Variants in SUMF1 observed in about 807,000 individuals in gnomAD.
SUMF1 encodes sulfatase modifying factor 1.
Under a neutral mutation model 47.6 loss-of-function variants are expected in SUMF1, and 48 were observed. The ratio of observed to expected loss-of-function variants is 1.01; its 90% CI spans 0.80 to 1.28. SUMF1 has a LOEUF of 1.28. Ranked by LOEUF, SUMF1 falls within the 50% of genes most tolerant of loss-of-function variation. The probability of loss-of-function intolerance (pLI) is 0.00; values close to 1 mark genes in which losing one functional copy is unlikely to be tolerated. For missense variants in SUMF1, 571 were observed against 485.4 expected (o/e 1.18, Z -1.66); for synonymous variants, 230 against 192.1 (o/e 1.20, Z -1.63).
intron 8 of SUMF1, among the ~76,000 whole-genome samples, chr3:4,222,605 G>A (rs1169753588): frequency 6.6e-6 from 1 of 152,026 alleles, no homozygotes; most frequent in Non-Finnish European, 1.5e-5. Context: ...CGGAGGGCCT[G>A]TCATCATCAT....
In SUMF1 at chr3:4,184,149, A is replaced by AG. The variant is rs202047332; in HGVS notation, c.1015-115405_1015-115404insC. On this transcript the variant is annotated intron_variant and NMD_transcript_variant, in intron 8 of 12. Coordinates refer to the SUMF1 transcript ENST00000448413. ...GACCCTGTCTCGAAAAAAAATTAAA[A>AG]AAAAAAAAGAAAAAAGGCAAAAGAG... Among the ~76,000 whole-genome samples, 1,030 of 151,206 alleles carry AG rather than the reference A, an allele frequency of 6.8e-3. 14 individuals are homozygous for AG. Among genetic ancestry groups the AG allele is most frequent in the African/African-American group, 0.024 (985 of 41,192 alleles).
chr3:4,150,837 G>T (rs566866992), intron 8 of SUMF1, among the ~76,000 whole-genome samples: 2 of 151,542 alleles, frequency 1.3e-5, no homozygotes, highest in South Asian at 4.1e-4. Flanking sequence ...TCTGTTCTTA[G>T]GAGCTCAGGG....
chr3:4,170,291 C>T (rs1192874370), intron 8 of SUMF1, among the ~76,000 whole-genome samples: 1 of 152,150 alleles, frequency 6.6e-6, no homozygotes, highest in Non-Finnish European at 1.5e-5. Flanking sequence ...GGTTCTCAAA[C>T]TTTAGTGGGT....
chr3:4,415,226 C>CAAA (rs35397535), intron 6 of SUMF1, among the ~76,000 whole-genome samples: 62 of 78,288 alleles, frequency 7.9e-4, no homozygotes, highest in Non-Finnish European at 1.2e-3. Context: ...GACTCCATCT[C>CAAA]AAAAAAAAAA....
chr3:4,294,844 G>C (rs1324062747), intron 8 of SUMF1, among the ~76,000 whole-genome samples: 1 of 152,118 alleles, frequency 6.6e-6, no homozygotes, highest in East Asian at 1.9e-4. Context: ...AGGCACTGTA[G>C]TCAGACACTG....
At chr3:4,332,935 C>A (rs959885501) in intron 8 of SUMF1, among the ~76,000 whole-genome samples, 1 of 152,156 alleles carries the variant, frequency 6.6e-6, no homozygotes, top group South Asian at 2.1e-4. Context: ...TAGAACAGTG[C>A]AGCAGAGAAG....
At chr3:4,136,686 C>T (rs795297) in intron 8 of SUMF1, among the ~76,000 whole-genome samples, 110,706 of 144,094 alleles carry the variant, frequency 0.77, 42,946 homozygotes, top group Admixed American at 0.82. Context: ...GAACAGGCAA[C>T]CTACAACATG....
At chr3:4,104,376 C>A (rs1362334471) in intron 8 of SUMF1, among the ~76,000 whole-genome samples, 1 of 152,052 alleles carries the variant, frequency 6.6e-6, no homozygotes, top group East Asian at 1.9e-4. Context: ...TACCCTGTCT[C>A]AGGTATATCT....
rs535914521 is a variant in SUMF1 at position 4,366,111 on chromosome 3, C to T, written c.1015-3857G>A. On this transcript the variant is annotated intron_variant, in intron 8 of 8. Transcript: ENST00000272902. ...GCTGTTAGTCTGATGGGCTTCCCTT[C>T]GTGGGTAACCCGACCTTTCTCTCTG... Among the ~76,000 whole-genome samples the T allele has an allele frequency of 4.2e-3, 632 of 151,380 alleles. 2 individuals carry two copies. Among genetic ancestry groups the T allele is most frequent in the Non-Finnish European group, 7.0e-3 (471 of 67,572 alleles).
chr3:4,298,002 C>T (rs985086861), intron 8 of SUMF1, among the ~76,000 whole-genome samples: 5 of 152,118 alleles, frequency 3.3e-5, no homozygotes, highest in African/African-American at 1.2e-4. Flanking sequence ...ATAACTGAAC[C>T]TATGAAATGT....
chr3:4,359,704 C>T (rs902044323), downstream of SUMF1, among the ~76,000 whole-genome samples: 4 of 152,174 alleles, frequency 2.6e-5, no homozygotes, highest in Admixed American at 1.3e-4. Context: ...TGAGAACTCA[C>T]TCACTATCAC....
intron 8 of SUMF1, chr3:4,316,565 G>A (rs1698658696): frequency 6.4e-7 from 1 of 1,554,360 alleles, no homozygotes; most frequent in Non-Finnish European, 8.7e-7. Flanking sequence ...AGCTCGATAA[G>A]TGGGTGCCTC....
At chr3:4,425,875 T>G (rs1464794771) in intron 3 of SUMF1, among the ~76,000 whole-genome samples, 1 of 152,140 alleles carries the variant, frequency 6.6e-6, no homozygotes, top group Admixed American at 6.5e-5. Context: ...AGGCACGCCT[T>G]ACATGGCAGC....
At chr3:4,088,740 T>C (rs1252988170) in intron 8 of SUMF1, among the ~76,000 whole-genome samples, 1 of 152,110 alleles carries the variant, frequency 6.6e-6, no homozygotes, top group Non-Finnish European at 1.5e-5. Flanking sequence ...TTATTGCACA[T>C]AGTTTCTTCC....
intron 8 of SUMF1, among the ~76,000 whole-genome samples, chr3:4,331,573 A>T (rs1314192152): frequency 2.0e-5 from 3 of 152,212 alleles, no homozygotes; most frequent in Non-Finnish European, 4.4e-5. Context: ...CACGCCTGTA[A>T]TCCCAGTAGT....
intron 8 of SUMF1, among the ~76,000 whole-genome samples, chr3:4,118,853 C>A (rs1163543185): frequency 6.6e-6 from 1 of 152,056 alleles, no homozygotes; most frequent in Non-Finnish European, 1.5e-5. Context: ...TTTTATGTCC[C>A]ATCTTTACTT....
chr3:4,368,597 AC>A (rs1479058705), intron 8 of SUMF1, among the ~76,000 whole-genome samples: 2 of 152,170 alleles, frequency 1.3e-5, no homozygotes, highest in African/African-American at 4.8e-5. Context: ...CAAATGTCCA[AC>A]CATGACAGAC....
At chr3:4,338,645 C>A (rs1699203939) in intron 8 of SUMF1, among the ~76,000 whole-genome samples, 1 of 152,086 alleles carries the variant, frequency 6.6e-6, no homozygotes, top group African/African-American at 2.4e-5. Context: ...TCAAAGAATT[C>A]ATGGTCTCAT....
At chr3:4,234,210 C>G (rs1404258847) in intron 8 of SUMF1, among the ~76,000 whole-genome samples, 1 of 152,040 alleles carries the variant, frequency 6.6e-6, no homozygotes, top group Admixed American at 6.6e-5. Flanking sequence ...TGTTTCCTCA[C>G]TTTTAAAGTC....
Sources: allele counts gnomAD v4.1 joint callset (sites outside exome capture counted in the v4.1 genomes callset), GRCh38; gene constraint gnomAD v4.1.1; transcripts MANE v1.5; gene names NCBI Gene and HGNC (gene_info 2026-07-23, HGNC 2026-07-21).